Variants in TUG1 observed in about 807,000 individuals in gnomAD.
The protein encoded by TUG1 is taurine upregulated gene 1.
At chr22:30,970,171 G>C (rs921341169) in exon 1 of TUG1, 1 of 152,148 alleles carries the variant, frequency 6.6e-6, no homozygotes, top group Non-Finnish European at 1.5e-5. Context: ...GTGCGGTTTG[G>C]GGGAATGATG....
intron 2 of TUG1, 176 bp downstream of exon 2, chr22:30,973,763 TG>T (rs2041256055): frequency 6.6e-6 from 1 of 152,154 alleles, no homozygotes; most frequent in African/African-American, 2.4e-5. Flanking sequence ...GCTGTGAAAG[TG>T]GTAGAGGCCA....
exon 2 of TUG1, chr22:30,973,210 A>G (rs2041250847): frequency 6.6e-6 from 1 of 152,428 alleles, no homozygotes; most frequent in Non-Finnish European, 1.5e-5. Context: ...GAGACACACA[A>G]TAAATTTGGA....
At chr22:30,975,672 T>G (rs1043511740) in exon 3 of TUG1, 3 of 151,996 alleles carry the variant, frequency 2.0e-5, no homozygotes, top group African/African-American at 7.2e-5. Context: ...AGAGAACAAT[T>G]CTATGCACCC....
At chr22:30,975,622 C>T (rs945031051) in exon 3 of TUG1, 3 of 152,164 alleles carry the variant, frequency 2.0e-5, no homozygotes, top group African/African-American at 7.2e-5. Flanking sequence ...GCCCTCCACT[C>T]CAGATGGATA....
exon 3 of TUG1, chr22:30,976,330 T>C (rs1040931110): frequency 2.0e-5 from 3 of 152,132 alleles, no homozygotes; most frequent in African/African-American, 7.2e-5. Flanking sequence ...CCACCAAATA[T>C]AGGTGGTAGG....
intron 2 of TUG1, chr22:30,974,082 G>A (rs569320501): frequency 1.3e-5 from 2 of 152,234 alleles, no homozygotes; most frequent in African/African-American, 4.8e-5. Flanking sequence ...AAGACTTACT[G>A]ATATTCCTGG....
exon 1 of TUG1, chr22:30,971,272 TTC>T (rs2041227353): frequency 6.6e-6 from 1 of 152,342 alleles, no homozygotes; most frequent in East Asian, 1.9e-4. Flanking sequence ...ATAATCTCAC[TTC>T]CAGAGAAATG....
exon 2 of TUG1, chr22:30,973,520 C>T (rs1271441123): frequency 2.6e-5 from 4 of 152,176 alleles, no homozygotes; most frequent in Non-Finnish European, 5.9e-5. Flanking sequence ...ACCAAGGAGT[C>T]CCCTTACCTA....
chr22:30,977,963 C>CT (rs1340102452), exon 3 of TUG1: 1 of 152,194 alleles, frequency 6.6e-6, no homozygotes, highest in African/African-American at 2.4e-5. Context: ...GGAACCTCAT[C>CT]TATCGGGTCT....
chr22:30,977,007 C>G (rs904623893), exon 3 of TUG1: 1 of 152,134 alleles, frequency 6.6e-6, no homozygotes, highest in Non-Finnish European at 1.5e-5. Context: ...ATTGTCAGCT[C>G]TTTTTTTCCT....
chr22:30,969,648 G>C (rs1351568331), exon 1 of TUG1: 1 of 152,762 alleles, frequency 6.5e-6, no homozygotes, highest in Non-Finnish European at 1.5e-5. Context: ...GGCGGCGGCA[G>C]CGGCCGCGGG....
chr22:30,970,013 A>G (rs947570227), exon 1 of TUG1: 3 of 152,208 alleles, frequency 2.0e-5, no homozygotes, highest in Non-Finnish European at 4.4e-5. Flanking sequence ...TGTAAACTAT[A>G]AAGCGTGGGT....
At chr22:30,971,980 T>C (rs1237856083) in intron 1 of TUG1, 1 of 152,256 alleles carries the variant, frequency 6.6e-6, no homozygotes, top group African/African-American at 2.4e-5. Flanking sequence ...GACATTTCGT[T>C]ATGTATCCTC....
chr22:30,969,515 G>A (rs2041198484), exon 1 of TUG1: 1 of 152,026 alleles, frequency 6.6e-6, no homozygotes, highest in African/African-American at 2.4e-5. Flanking sequence ...GTTGGCGCTC[G>A]CGCCGCGTCT....
At chr22:30,977,845 CAGGAAG>C (rs1387055457) in exon 3 of TUG1, 1 of 152,192 alleles carries the variant, frequency 6.6e-6, no homozygotes, top group Admixed American at 6.5e-5. Flanking sequence ...ATGTTCACAA[CAGGAAG>C]GACCATTGCT....
exon 1 of TUG1, chr22:30,969,630 G>C (rs1407016787): frequency 6.5e-6 from 1 of 152,732 alleles, no homozygotes; most frequent in East Asian, 1.9e-4. Context: ...CCCCGCTCCG[G>C]GGGAGGCGGC....
chr22:30,970,295 G>A (rs942825481), exon 1 of TUG1: 1 of 152,234 alleles, frequency 6.6e-6, no homozygotes, highest in Non-Finnish European at 1.5e-5. Context: ...GCTACAGAGA[G>A]GAAACTGAGG....
At position 30,979,255 on chromosome 22, in the gene TUG1, CAT is replaced by C. The variant is rs1189900324; in HGVS notation, c.*6782_*6783del. ...ATGTGTGTGCTTATGTTTATAAATGCATAGAAAGGTCTATTCACAGCTTTCTT... is the reference window on the plus strand; with the variant it reads ...ATGTGTGTGCTTATGTTTATAAATGCAGAAAGGTCTATTCACAGCTTTCTT... On this transcript the variant is annotated 3_prime_UTR_variant, in exon 3 of 3. Coordinates refer to ENST00000644773, the Ensembl canonical transcript of TUG1. 4 of 152,236 alleles carry C rather than the reference CAT, an allele frequency of 2.6e-5. No homozygotes were observed. The East Asian group carries it at 7.7e-4, about 29-fold the overall frequency. The allele number at this position is 152,236 out of a possible 1,614,324, so 9.4% of individuals were successfully genotyped here. A position where few individuals can be genotyped will look rare whatever the true frequency, so the allele number is the denominator to read the frequency against.
chr22:30,973,801 C>G (rs1255020725), intron 2 of TUG1: 1 of 152,176 alleles, frequency 6.6e-6, no homozygotes, highest in East Asian at 1.9e-4. Flanking sequence ...GTCCAGTACT[C>G]TCCTTGGAAT....
Sources: allele counts gnomAD v4.1 joint callset, GRCh38; gene constraint gnomAD v4.1.1; transcripts MANE v1.5; gene names NCBI Gene and HGNC (gene_info 2026-07-23, HGNC 2026-07-21).